The following CATSPER2 variants were observed in gnomAD, a reference collection of about 807,000 sequenced individuals.
The protein encoded by CATSPER2 is cation channel sperm-associated protein 2.
Under a neutral mutation model 68.8 loss-of-function variants are expected in CATSPER2, and 56 were observed. The ratio of observed to expected loss-of-function variants is 0.81; its 90% CI spans 0.66 to 1.02. The LOEUF (loss-of-function observed/expected upper bound fraction) is 1.02. Among genes scored for constraint, CATSPER2 ranks in the 50% least tolerant of loss-of-function variants. The pLI, the probability that CATSPER2 is intolerant of heterozygous loss-of-function variation, is 0.00. For synonymous variants in CATSPER2, 198 were observed against 229.9 expected (o/e 0.86, Z 1.26); for missense variants, 582 against 642.0 (o/e 0.91, Z 1.01).
Position 43,631,513 on chromosome 15 carries a change from G to GCCA in CATSPER2, c.1561+683_1561+685dup, listed in dbSNP as rs1455396683. 2 of 381,098 alleles carry GCCA rather than the reference G, an allele frequency of 5.2e-6. 1 individual carries two copies. Among genetic ancestry groups the GCCA allele is most frequent in the Non-Finnish European group, 1.1e-5 (2 of 181,388 alleles). The allele number at this position is 381,098 out of a possible 1,614,324, so 23.6% of individuals were successfully genotyped here. A position where few individuals can be genotyped will look rare whatever the true frequency, so the allele number is the denominator to read the frequency against. Reference sequence around the variant, plus strand: ...CAAAGTGCTGGGATTACAGGTGTGAGCCACCGTGCCCGGCCTTTTTTTTTC... The same window carrying GCCA: ...CAAAGTGCTGGGATTACAGGTGTGAGCCACCACCGTGCCCGGCCTTTTTTTTTC... On this transcript the variant is annotated intron_variant, in intron 12 of 12. Transcript: ENST00000396879.
chr15:43,643,263 C>T (rs2086103799), intron 4 of CATSPER2, among the ~76,000 whole-genome samples: 1 of 151,886 alleles, frequency 6.6e-6, no homozygotes, highest in Non-Finnish European at 1.5e-5. Context: ...TAGATGTTGA[C>T]ATTTACACAG....
At chr15:43,643,567 C>A (rs544781910) in intron 4 of CATSPER2, among the ~76,000 whole-genome samples, 1 of 151,900 alleles carries the variant, frequency 6.6e-6, no homozygotes, top group South Asian at 2.1e-4. Context: ...GAACTCCTGA[C>A]CTCAAGTGAT....
chr15:43,642,480 A>T (rs575750861), intron 4 of CATSPER2: 10 of 137,618 alleles, frequency 7.3e-5, no homozygotes, highest in Middle Eastern at 3.4e-3. Context: ...AAAATACAAA[A>T]TTTTTTCACT....
At chr15:43,638,083 T>C (rs907776061) in intron 7 of CATSPER2, among the ~76,000 whole-genome samples, 2 of 150,524 alleles carry the variant, frequency 1.3e-5, no homozygotes, top group African/African-American at 4.9e-5. Context: ...GCCTCTGGAG[T>C]AGCTGGGATT....
At chr15:43,646,992 C>CAA in intron 4 of CATSPER2, 58 bp downstream of exon 4, 1 of 1,447,806 alleles carries the variant, frequency 6.9e-7, no homozygotes, top group Non-Finnish European at 9.7e-7. Context: ...GCTAGGATTA[C>CAA]ACGTGTGAGC....
intron 4 of CATSPER2, among the ~76,000 whole-genome samples, chr15:43,644,787 A>G (rs538248194): frequency 1.7e-4 from 26 of 152,152 alleles, no homozygotes; most frequent in Admixed American, 7.9e-4. Context: ...CCAGTCCCTG[A>G]TGCCAAAAAG....
chr15:43,632,435 G>A, intron 11 of CATSPER2, 72 bp from the exon 12 acceptor site: 3 of 1,577,162 alleles, frequency 1.9e-6, no homozygotes, highest in Non-Finnish European at 2.6e-6. Flanking sequence ...TAAATCCTAT[G>A]GTGTGGGTGG....
At chr15:43,644,302 A>G (rs1201204549) in intron 4 of CATSPER2, among the ~76,000 whole-genome samples, 1 of 151,994 alleles carries the variant, frequency 6.6e-6, no homozygotes, top group Non-Finnish European at 1.5e-5. Context: ...TCCCTCTGCA[A>G]AATCCCTCCT....
intron 7 of CATSPER2, among the ~76,000 whole-genome samples, chr15:43,638,105 C>T (rs550127937): frequency 1.3e-5 from 2 of 151,138 alleles, no homozygotes; most frequent in African/African-American, 4.9e-5. Flanking sequence ...CAGGCGCCCA[C>T]CACCACACCT....
chr15:43,646,346 G>A (rs759565560), intron 4 of CATSPER2, among the ~76,000 whole-genome samples: 4 of 150,606 alleles, frequency 2.7e-5, no homozygotes, highest in East Asian at 3.9e-4. Flanking sequence ...CTGCAACCTC[G>A]GCTTCCCACG....
In CATSPER2 at chr15:43,647,978, G is replaced by T. The variant is rs746434468; in HGVS notation, c.84C>A (p.Leu28=). Residue 28 remains leucine (L), a synonymous_variant, in exon 2 of 13, where the codon CTC becomes CTA. Coordinates refer to ENST00000396879, the MANE Select transcript of CATSPER2 (RefSeq NM_172095.4). Reference sequence around the variant, plus strand: ...GGCTCAAGCCTTGCAAATGCTCAATGAGAGAGAAAGTATCGATGAGACGTG... The same window carrying T: ...GGCTCAAGCCTTGCAAATGCTCAATTAGAGAGAAAGTATCGATGAGACGTG... ...IRSRLIDTFS[L]IEHLQGLSQA... is the part of the protein sequence containing the mutation. The T allele has an allele frequency of 1.9e-6, 3 of 1,613,678 alleles. No individual in the cohort carries two copies. Among genetic ancestry groups the T allele is most frequent in the Non-Finnish European group, 2.5e-6 (3 of 1,179,738 alleles).
At position 43,632,741 on chromosome 15, in the gene CATSPER2, C is replaced by T. The variant is rs2085896861; in HGVS notation, c.1372G>A (p.Glu458Lys). 9 of 1,613,564 alleles carry T rather than the reference C, an allele frequency of 5.6e-6. No homozygotes were observed. Among genetic ancestry groups the T allele is most frequent in the Non-Finnish European group, 7.6e-6 (9 of 1,179,778 alleles). Residue 458 changes from glutamate to lysine, a missense_variant, in exon 11 of 13, where the codon GAA becomes AAA. Coordinates refer to ENST00000396879, the MANE Select transcript of CATSPER2 (RefSeq NM_172095.4). The stretch of plus-strand genomic sequence containing the variant: ...CCAATAGATTCAGAAAATCTGGATT[C>T]AGAAGAGGAAGAATAGGAAGAGGAT... Reference protein sequence around the residue: ...STSSSYSSSSESRFSESIGRL... With the variant: ...STSSSYSSSSKSRFSESIGRL...
chr15:43,637,256 T>G (rs1373539794), intron 7 of CATSPER2, among the ~76,000 whole-genome samples: 1 of 151,956 alleles, frequency 6.6e-6, no homozygotes, highest in East Asian at 1.9e-4. Flanking sequence ...TTCCTATTAG[T>G]TTGCTGGTAT....
chr15:43,640,527 G>T (rs761273306), intron 4 of CATSPER2, 31 bp from the exon 5 acceptor site: 3 of 1,612,730 alleles, frequency 1.9e-6, no homozygotes, highest in East Asian at 2.2e-5. Flanking sequence ...AGGAATAAAA[G>T]TTAAGGAAGC....
At chr15:43,638,286 C>CTTTCTTTTTTTTT (rs1354288133) in intron 7 of CATSPER2, among the ~76,000 whole-genome samples, 12 of 81,834 alleles carry the variant, frequency 1.5e-4, no homozygotes, top group African/African-American at 3.8e-4. Flanking sequence ...TTCTTTCTTT[C>CTTTCTTTTTTTTT]TTTTTTTTTT....
intron 4 of CATSPER2, among the ~76,000 whole-genome samples, chr15:43,641,306 G>A (rs1242228904): frequency 6.6e-6 from 1 of 151,450 alleles, no homozygotes; most frequent in Non-Finnish European, 1.5e-5. Context: ...AGTAGAGATG[G>A]GGTTTCTCCA....
rs566444072 is a variant in CATSPER2, at chr15:43,630,656, C to T, written c.*45G>A. The T allele has an allele frequency of 8.7e-6, 14 of 1,609,184 alleles. No individual in the cohort carries two copies. The South Asian group carries it at 1.4e-4, about 16-fold the overall frequency. On this transcript the variant is annotated 3_prime_UTR_variant, in exon 13 of 13. Transcript: ENST00000396879. ...ATTCTCTATTTCCAACAATTCCCTT[C>T]ATTATCTTTTGCTGGGCCCAAGGAT...
intron 10 of CATSPER2, 86 bp from the exon 11 acceptor site, chr15:43,633,020 C>G (rs1230455174): frequency 8.8e-7 from 1 of 1,134,282 alleles, no homozygotes; most frequent in Non-Finnish European, 1.2e-6. Flanking sequence ...TGGCCACCCC[C>G]TAAAGCTGGG....
In CATSPER2 at chr15:43,648,786, G is replaced by C. The variant is rs1487137857; in HGVS notation, c.-160C>G. 1 of 1,529,502 alleles carries C rather than the reference G, an allele frequency of 6.5e-7. No homozygotes were observed. Among genetic ancestry groups the C allele is most frequent in the Admixed American group, 2.0e-5 (1 of 49,986 alleles). 94.7% of individuals were successfully genotyped at this position (1,529,502 alleles called of 1,614,324 possible). Reference sequence around the variant, plus strand: ...CCGCCCCGCTCGACCCCCAGGTTTCGGCTCACCCCGGGACCCGGCCCTAGC... The same window carrying C: ...CCGCCCCGCTCGACCCCCAGGTTTCCGCTCACCCCGGGACCCGGCCCTAGC... On this transcript the variant is annotated 5_prime_UTR_variant, in exon 1 of 13. Transcript: ENST00000396879.
Sources: allele counts gnomAD v4.1 joint callset (sites outside exome capture counted in the v4.1 genomes callset), GRCh38; gene constraint gnomAD v4.1.1; transcripts MANE v1.5; gene names NCBI Gene and HGNC (gene_info 2026-07-23, HGNC 2026-07-21).